Variants in PDS5A observed in about 807,000 individuals in gnomAD.
PDS5A encodes the protein PDS5 cohesin associated factor A, also known as sister chromatid cohesion protein PDS5 homolog A.
In PDS5A, 42 loss-of-function variants were observed where a neutral mutation model predicts 167.1. The observed-to-expected ratio is 0.25, with a 90% CI of 0.20 to 0.33. PDS5A has a LOEUF of 0.33. Ranked by LOEUF, PDS5A falls within the 10% of genes least tolerant of loss-of-function variation. The pLI is 1.00. For synonymous variants in PDS5A, 553 were observed against 554.6 expected (o/e 1.00, Z 0.04); for missense variants, 1,033 against 1,605.9 (o/e 0.64, Z 6.10).
At chr4:39,825,556 T>C in intron 32 of PDS5A, 68 bp from the exon 33 acceptor site, 1 of 1,187,050 alleles carries the variant, frequency 8.4e-7, no homozygotes, top group Non-Finnish European at 1.2e-6. Context: ...ACGAAAATGA[T>C]TTCATTTCCA....
At chr4:39,917,620 G>A (rs1207278906) in intron 7 of PDS5A, among the ~76,000 whole-genome samples, 2 of 152,044 alleles carry the variant, frequency 1.3e-5, no homozygotes, top group African/African-American at 4.8e-5. Context: ...TGTCACCCAG[G>A]CTAGAGTACA....
At chr4:39,951,428 A>G (rs1044986940) in intron 2 of PDS5A, among the ~76,000 whole-genome samples, 1 of 152,228 alleles carries the variant, frequency 6.6e-6, no homozygotes. Flanking sequence ...CCAATGAGAG[A>G]CAGCCAGAAG....
At position 39,922,629 on chromosome 4, in the gene PDS5A, G is replaced by A; in HGVS notation, c.647C>T (p.Ala216Val). 1 of 1,580,576 alleles carries A rather than the reference G, an allele frequency of 6.3e-7. No individual in the cohort carries two copies. Among genetic ancestry groups the A allele is most frequent in the Non-Finnish European group, 8.6e-7 (1 of 1,164,788 alleles). Residue 216 changes from alanine (A) to valine (V), a missense_variant, in exon 6 of 33, where the codon GCA (alanine) becomes GTA (valine). Coordinates refer to ENST00000303538, the MANE Select transcript of PDS5A (RefSeq NM_001100399.2). Reference protein sequence around the residue: ...LDSILINLIPAHKNLNKQSFD... With the variant: ...LDSILINLIPVHKNLNKQSFD... The stretch of plus-strand genomic sequence containing the variant: ...TCTTCATACTTTACAGACCTTATGT[G>A]CAGGAATGAGGTTAATAAGAATGGA...
Position 39,931,315 on chromosome 4 carries a change from A to T in PDS5A, c.139-3151T>A, listed in dbSNP as rs189007683. On this transcript the variant is annotated intron_variant, in intron 2 of 32. Coordinates refer to ENST00000303538, the MANE Select transcript of PDS5A (RefSeq NM_001100399.2). ...TTGCCATATGGTGCCCAGGCTAAAA[A>T]AATTTTTTTTAATTATTGCTATGTA... Among the ~76,000 whole-genome samples the T allele has an allele frequency of 1.1e-4, 17 of 152,224 alleles. No individual in the cohort carries two copies. The East Asian group carries it at 3.3e-3, about 29-fold the overall frequency.
At chr4:39,860,352 C>T (rs559060789) in intron 26 of PDS5A, among the ~76,000 whole-genome samples, 31 of 152,046 alleles carry the variant, frequency 2.0e-4, no homozygotes, top group African/African-American at 7.0e-4. Flanking sequence ...GTAGTGCTAA[C>T]TCCTTGGGAG....
At chr4:39,831,516 A>C (rs1290988604) in intron 32 of PDS5A, among the ~76,000 whole-genome samples, 2 of 152,248 alleles carry the variant, frequency 1.3e-5, no homozygotes, top group African/African-American at 2.4e-5. Flanking sequence ...ATTTAAAATT[A>C]TGATAAAATA....
intron 2 of PDS5A, among the ~76,000 whole-genome samples, chr4:39,963,805 C>T (rs1729722202): frequency 6.6e-6 from 1 of 151,386 alleles, no homozygotes; most frequent in South Asian, 2.1e-4. Context: ...CACTGCACTC[C>T]AGCCTAGGTA....
chr4:39,882,946 C>T (rs1293144555), intron 17 of PDS5A, among the ~76,000 whole-genome samples: 1 of 152,130 alleles, frequency 6.6e-6, no homozygotes, highest in Non-Finnish European at 1.5e-5. Flanking sequence ...TCTAAATACT[C>T]CCATTGGCAA....
chr4:39,930,971 TTAGA>T (rs1240969525), intron 2 of PDS5A, among the ~76,000 whole-genome samples: 46 of 152,278 alleles, frequency 3.0e-4, no homozygotes, highest in African/African-American at 1.1e-3. Flanking sequence ...TCTTGAGAAA[TTAGA>T]TAAATCCAAA....
At chr4:39,878,492 G>A (rs1482357817) in intron 18 of PDS5A, among the ~76,000 whole-genome samples, 3 of 151,944 alleles carry the variant, frequency 2.0e-5, no homozygotes, top group Non-Finnish European at 4.4e-5. Flanking sequence ...GGCTACTTGG[G>A]AGGCTGAGGC....
intron 2 of PDS5A, among the ~76,000 whole-genome samples, chr4:39,971,897 T>C (rs1347897922): frequency 6.6e-6 from 1 of 152,244 alleles, no homozygotes; most frequent in African/African-American, 2.4e-5. Context: ...TAAGTATTGT[T>C]AAAAATCTAC....
chr4:39,940,583 T>C (rs1259493878), intron 2 of PDS5A, among the ~76,000 whole-genome samples: 2 of 152,188 alleles, frequency 1.3e-5, no homozygotes, highest in Non-Finnish European at 1.5e-5. Context: ...GCTTCAGAAA[T>C]GTGAATTCCT....
In PDS5A at chr4:39,863,328, T is replaced by C. The variant is rs759610434; in HGVS notation, c.2766+8A>G. On this transcript the variant is annotated splice_region_variant and intron_variant, in intron 24 of 32. Coordinates refer to ENST00000303538, the MANE Select transcript of PDS5A (RefSeq NM_001100399.2). ...TAAGTAATTGACAAAAATAAGATTG[T>C]TACTTACATTAATAACAAGTGCACA... The C allele has an allele frequency of 6.4e-7, 1 of 1,572,664 alleles. No individual in the cohort carries two copies. Among genetic ancestry groups the C allele is most frequent in the South Asian group, 1.2e-5 (1 of 84,606 alleles).
intron 2 of PDS5A, among the ~76,000 whole-genome samples, chr4:39,958,097 A>AC (rs2109801364): frequency 6.6e-6 from 1 of 152,148 alleles, no homozygotes; most frequent in South Asian, 2.1e-4. Context: ...TCACCATGCT[A>AC]CCCAAGCTGG....
At chr4:39,850,608 A>G (rs1718044865) in intron 26 of PDS5A, among the ~76,000 whole-genome samples, 1 of 152,236 alleles carries the variant, frequency 6.6e-6, no homozygotes, top group Non-Finnish European at 1.5e-5. Context: ...AAGTTCTACA[A>G]TTGGTATGCA....
chr4:39,966,024 T>C (rs1729937596), intron 2 of PDS5A, among the ~76,000 whole-genome samples: 1 of 152,206 alleles, frequency 6.6e-6, no homozygotes, highest in Non-Finnish European at 1.5e-5. Context: ...AGAACAGTTC[T>C]ACACAAACAG....
In PDS5A at chr4:39,947,428, T is replaced by TGA. The variant is rs1365122581; in HGVS notation, c.139-19266_139-19265dup. Among the ~76,000 whole-genome samples, 15 of 151,492 alleles carry TGA rather than the reference T, an allele frequency of 9.9e-5. No homozygotes were observed. The East Asian group carries it at 2.9e-3, about 30-fold the overall frequency. ...TCATGCCACTGCACTCCAGTCTGGG[T>TGA]GAGAGAGAGACTGTCTGAAAGGGGG... On this transcript the variant is annotated intron_variant, in intron 2 of 32. Transcript: ENST00000303538.
At chr4:39,966,598 T>C (rs1402726504) in intron 2 of PDS5A, among the ~76,000 whole-genome samples, 1 of 152,198 alleles carries the variant, frequency 6.6e-6, no homozygotes, top group African/African-American at 2.4e-5. Flanking sequence ...AAACAGTAGG[T>C]ATTTTTATTT....
At chr4:39,855,166 T>C (rs1351070245) in intron 26 of PDS5A, among the ~76,000 whole-genome samples, 1 of 152,028 alleles carries the variant, frequency 6.6e-6, no homozygotes, top group Non-Finnish European at 1.5e-5. Context: ...CAACCAGGGG[T>C]AAACACCTGG....
Sources: allele counts gnomAD v4.1 joint callset (sites outside exome capture counted in the v4.1 genomes callset), GRCh38; gene constraint gnomAD v4.1.1; transcripts MANE v1.5; gene names NCBI Gene and HGNC (gene_info 2026-07-23, HGNC 2026-07-21).